ZNF831: variants seen among roughly 807,000 people sequenced by gnomAD.
ZNF831 encodes zinc finger protein 831, also known as chromosome 20 open reading frame 174.
Under a neutral mutation model 95.8 loss-of-function variants are expected in ZNF831, and 59 were observed. The ratio of observed to expected loss-of-function variants is 0.62; its 90% CI spans 0.50 to 0.77. ZNF831 has a LOEUF of 0.77. ZNF831 is among the 30% of genes least tolerant of loss of function. The pLI, the probability that ZNF831 is intolerant of heterozygous loss-of-function variation, is 0.00. For missense variants in ZNF831, 2,205 were observed against 2,164.0 expected (o/e 1.02, Z -0.38); for synonymous variants, 961 against 925.5 (o/e 1.04, Z -0.70).
chr20:59,235,289 C>T (rs1986938780), intron 4 of ZNF831, among the ~76,000 whole-genome samples: 1 of 152,174 alleles, frequency 6.6e-6, no homozygotes, highest in Non-Finnish European at 1.5e-5. Flanking sequence ...CGGCCACAGT[C>T]ATTTTCTGCT....
At chr20:59,148,613 G>C (rs1184630169) in intron 2 of ZNF831, among the ~76,000 whole-genome samples, 4 of 129,912 alleles carry the variant, frequency 3.1e-5, no homozygotes, top group Admixed American at 3.1e-4. Context: ...CCGGGAGGTG[G>C]AGCTTGCAGT....
At chr20:59,145,086 C>T (rs1245159324) in intron 1 of ZNF831, among the ~76,000 whole-genome samples, 2 of 152,218 alleles carry the variant, frequency 1.3e-5, no homozygotes, top group Admixed American at 6.5e-5. Context: ...CCGGTTCACG[C>T]TCTGTTCATG....
At chr20:59,238,581 CTTTCTTTGT>C (rs1987133214) in intron 4 of ZNF831, among the ~76,000 whole-genome samples, 1 of 152,166 alleles carries the variant, frequency 6.6e-6, no homozygotes, top group Non-Finnish European at 1.5e-5. Flanking sequence ...GCCACATTTG[CTTTCTTTGT>C]TTTCAAAGCT....
At position 59,255,498 on chromosome 20, in the gene ZNF831, G is replaced by A. The variant is rs956773944; in HGVS notation, c.*755G>A. The A allele has an allele frequency of 4.6e-5, 7 of 151,592 alleles. No individual in the cohort carries two copies. Among genetic ancestry groups the A allele is most frequent in the African/African-American group, 1.2e-4 (5 of 41,216 alleles). 9.4% of individuals were successfully genotyped at this position (151,592 alleles called of 1,614,324 possible). On this transcript the variant is annotated 3_prime_UTR_variant, in exon 6 of 6. Coordinates refer to ENST00000371030, the MANE Select transcript of ZNF831 (RefSeq NM_178457.3). Reference sequence around the variant, plus strand: ...GCTGTGGAGATCTCTGAGACTGTCGGTTTTTCTAGTTCTTGCAAAGGAACG... The same window carrying A: ...GCTGTGGAGATCTCTGAGACTGTCGATTTTTCTAGTTCTTGCAAAGGAACG...
intron 2 of ZNF831, among the ~76,000 whole-genome samples, chr20:59,157,968 C>A (rs1439608665): frequency 1.3e-5 from 2 of 152,116 alleles, no homozygotes; most frequent in Non-Finnish European, 2.9e-5. Flanking sequence ...TCTTTCTGGT[C>A]CTGAAAAATT....
chr20:59,128,162 CA>C lies in ZNF831; in HGVS notation c.-1425+4660del, dbSNP rs1443029371. Among the ~76,000 whole-genome samples, 7 of 152,140 alleles carry C rather than the reference CA, an allele frequency of 4.6e-5. 1 individual carries two copies. The highest frequency in any genetic ancestry group is 8.8e-5 in the Non-Finnish European group (6 of 68,014). ...ATGAAAAGATGATCACAGATTGTGA[CA>C]AATGCCACAAAGAAAATAAATAGGG... On this transcript the variant is annotated intron_variant, in intron 1 of 7. Transcript: ENST00000637017.
chr20:59,137,949 A>G (rs967182022), intron 1 of ZNF831, among the ~76,000 whole-genome samples: 3 of 152,086 alleles, frequency 2.0e-5, no homozygotes, highest in Non-Finnish European at 2.9e-5. Flanking sequence ...GACTTCATGC[A>G]TTGGTTACCT....
At chr20:59,241,463 A>G (rs1397525128) in intron 4 of ZNF831, among the ~76,000 whole-genome samples, 1 of 152,162 alleles carries the variant, frequency 6.6e-6, no homozygotes, top group Non-Finnish European at 1.5e-5. Flanking sequence ...AGTTGAAAGT[A>G]TTTCGGTGAC....
At chr20:59,152,780 A>AGT (rs1313402740) in intron 2 of ZNF831, among the ~76,000 whole-genome samples, 1 of 152,094 alleles carries the variant, frequency 6.6e-6, no homozygotes. Context: ...CCAGCATCCA[A>AGT]GGAGCCAAAA....
intron 3 of ZNF831, among the ~76,000 whole-genome samples, chr20:59,197,614 T>C (rs1205493469): frequency 1.3e-5 from 2 of 151,508 alleles, no homozygotes; most frequent in African/African-American, 2.4e-5. Context: ...CTTGGGGGAG[T>C]GGGGCTTTCC....
intron 1 of ZNF831, among the ~76,000 whole-genome samples, chr20:59,135,020 A>C (rs1376410684): frequency 6.6e-6 from 1 of 151,978 alleles, no homozygotes; most frequent in Non-Finnish European, 1.5e-5. Context: ...GTTCCTCTAC[A>C]CCAGCTACCC....
rs1294841925 is a variant in ZNF831 at position 59,191,796 on chromosome 20, G to A, written c.777G>A (p.Leu259=). ...ACGTGCCCCTACTTGCCAAGAACCT[G>A]GATGTGAGGACCGAAGCTGCTCCCT... The part of the protein sequence containing the change: ...GAHVPLLAKN[L]DVRTEAAPCP... Residue 259 remains leucine, a synonymous_variant, in exon 2 of 6, where the codon CTG becomes CTA. Coordinates refer to ENST00000371030, the MANE Select transcript of ZNF831 (RefSeq NM_178457.3). The A allele has an allele frequency of 3.7e-6, 6 of 1,613,148 alleles. No homozygotes were observed. Among genetic ancestry groups the A allele is most frequent in the Non-Finnish European group, 5.1e-6 (6 of 1,179,842 alleles).
intron 4 of ZNF831, among the ~76,000 whole-genome samples, chr20:59,238,123 G>A (rs190272121): frequency 2.6e-5 from 4 of 152,140 alleles, no homozygotes; most frequent in South Asian, 2.1e-4. Context: ...TCGGACCCTC[G>A]TCCTTTCTGG....
chr20:59,202,343 A>ATT, intron 3 of ZNF831, among the ~76,000 whole-genome samples: 1 of 132,442 alleles, frequency 7.6e-6, no homozygotes, highest in South Asian at 2.7e-4. Context: ...TTTTTTTAAA[A>ATT]AAAAAAACAC....
chr20:59,125,245 G>A (rs555967892), intron 1 of ZNF831, among the ~76,000 whole-genome samples: 9 of 152,320 alleles, frequency 5.9e-5, no homozygotes, highest in African/African-American at 1.7e-4. Context: ...TGGCTCTTGC[G>A]CACTCGCCAT....
chr20:59,145,590 C>T (rs565036365), intron 1 of ZNF831, among the ~76,000 whole-genome samples: 1 of 152,196 alleles, frequency 6.6e-6, no homozygotes, highest in Non-Finnish European at 1.5e-5. Flanking sequence ...GGACACCTCA[C>T]CCCACTTTGT....
Position 59,253,022 on chromosome 20 carries a change from C to T in ZNF831, c.4072C>T (p.Pro1358Ser), listed in dbSNP as rs778671294. The T allele has an allele frequency of 3.7e-6, 6 of 1,613,990 alleles. No individual in the cohort carries two copies. In the East Asian group the frequency reaches 1.1e-4, roughly 30 times the overall value. Reference sequence around the variant, plus strand: ...GCCATCTTGTGCCACCTCAGAATCACCTCCTTGTTGTGGGAAGGAAGAGAA... The same window carrying T: ...GCCATCTTGTGCCACCTCAGAATCATCTCCTTGTTGTGGGAAGGAAGAGAA... The part of the protein sequence containing the change: ...EEPSCATSES[P>S]PCCGKEEKKE... The change falls in exon 5 of 6, where the codon CCT (proline) becomes TCT (serine). Residue 1358 changes from proline (P) to serine (S), a missense_variant. Physicochemically the swap from Pro to Ser is moderately conservative, Grantham distance 74 (BLOSUM62 -1). Coordinates refer to ENST00000371030, the MANE Select transcript of ZNF831 (RefSeq NM_178457.3).
intron 4 of ZNF831, among the ~76,000 whole-genome samples, chr20:59,222,832 G>A (rs1050483754): frequency 6.6e-6 from 1 of 152,186 alleles, no homozygotes; most frequent in African/African-American, 2.4e-5. Context: ...GGGACCTGGC[G>A]GTACAAATTT....
intron 1 of ZNF831, among the ~76,000 whole-genome samples, chr20:59,124,675 TGTA>T (rs777570557): frequency 2.0e-5 from 3 of 152,192 alleles, no homozygotes; most frequent in Non-Finnish European, 2.9e-5. Context: ...ACACAGAGCT[TGTA>T]GTCAGAAAAC....
Sources: gnomAD v4.1 joint callset for allele counts (sites outside exome capture counted in the v4.1 genomes callset) on GRCh38, gnomAD v4.1.1 for gene constraint, MANE v1.5 for transcripts, NCBI Gene and HGNC (gene_info 2026-07-23, HGNC 2026-07-21) for gene names.